E4F1: variants seen among roughly 807,000 people sequenced by gnomAD.
E4F1 encodes E4F transcription factor 1, also known as transcription factor E4F1.
In E4F1, 30 loss-of-function variants were observed where a neutral mutation model predicts 72.9. The ratio of observed to expected loss-of-function variants is 0.41; its 90% CI spans 0.31 to 0.56. The LOEUF (loss-of-function observed/expected upper bound fraction) is 0.56. Ranked by LOEUF, E4F1 falls within the 20% of genes least tolerant of loss-of-function variation. The pLI is 0.25. For synonymous variants in E4F1, 542 were observed against 478.2 expected (o/e 1.13, Z -1.74); for missense variants, 1,091 against 1,117.5 (o/e 0.98, Z 0.34).
chr16:2,232,491 C>T lies in E4F1; in HGVS notation c.645C>T (p.Ser215=). The T allele has an allele frequency of 6.2e-7, 1 of 1,611,424 alleles. No individual in the cohort carries two copies. The highest frequency in any genetic ancestry group is 8.5e-7 in the Non-Finnish European group (1 of 1,179,342). The stretch of plus-strand genomic sequence containing the variant: ...TCAAGGCCCACATGGTCACTCACAG[C>T]AGCCGCAAGGACCACGAGTGCAAGC... ...SILKAHMVTH[S]SRKDHECKLC... is the part of the protein sequence containing the mutation. The change falls in exon 5 of 14, where the codon AGC becomes AGT. Residue 215 remains serine, a synonymous_variant. Transcript: ENST00000301727.
At position 2,233,132 on chromosome 16, in the gene E4F1, C is replaced by T; in HGVS notation, c.1005C>T (p.Val335=). Residue 335 remains valine, a synonymous_variant, in exon 7 of 14, where the codon GTC becomes GTT. Coordinates refer to ENST00000301727, the MANE Select transcript of E4F1 (RefSeq NM_004424.5). ...CCAAGGGCACCGTCATCCACGAAGT[C>T]CACGTCCAGATGCAGGAGCTGTCCC... ...TDAKGTVIHE[V]HVQMQELSLG... The T allele has an allele frequency of 6.2e-7, 1 of 1,612,198 alleles. No homozygotes were observed. The highest frequency in any genetic ancestry group is 8.5e-7 in the Non-Finnish European group (1 of 1,179,220).
chr16:2,234,473 T>C (rs960690116), intron 10 of E4F1, 85 bp downstream of exon 10: 4 of 1,572,522 alleles, frequency 2.5e-6, no homozygotes, highest in Non-Finnish European at 3.5e-6. Context: ...CTTCCCTGCC[T>C]CCACCATGCT....
chr16:2,233,444 G>T lies in E4F1; in HGVS notation c.1063G>T (p.Val355Phe), dbSNP rs59784157. Reference protein sequence around the residue: ...GMKALAPEPPVSQELPCSSEG... With the variant: ...GMKALAPEPPFSQELPCSSEG... Reference sequence around the variant, plus strand: ...CTCTCTGCCTCCCCTGCAGCCCCCCGTCTCCCAGGAGCTCCCCTGCTCCAG... The same window carrying T: ...CTCTCTGCCTCCCCTGCAGCCCCCCTTCTCCCAGGAGCTCCCCTGCTCCAG... The change falls in exon 8 of 14, where the codon GTC (valine) becomes TTC (phenylalanine). Residue 355 changes from valine (V) to phenylalanine (F), a missense_variant. Val to Phe is a conservative substitution (Grantham distance 50). This residue lies in a region of E4F1 where 622 missense variants were observed against 628.0 expected (regional missense o/e 0.99). Coordinates refer to ENST00000301727, the MANE Select transcript of E4F1 (RefSeq NM_004424.5). 3.3e-6 allele frequency: 5 copies of T among 1,509,420 alleles called. No individual in the cohort carries two copies. The African/African-American group carries it at 4.2e-5, about 13-fold the overall frequency. 93.5% of individuals were successfully genotyped at this position (1,509,420 alleles called of 1,614,324 possible).
At chr16:2,225,668 C>T (rs2093427018) in intron 1 of E4F1, among the ~76,000 whole-genome samples, 3 of 151,310 alleles carry the variant, frequency 2.0e-5, no homozygotes, top group Admixed American at 2.0e-4. Flanking sequence ...GACTGGATTT[C>T]TCCATGTTGG....
chr16:2,224,321 C>T (rs1271646092), intron 1 of E4F1, among the ~76,000 whole-genome samples: 3 of 152,258 alleles, frequency 2.0e-5, no homozygotes, highest in Non-Finnish European at 4.4e-5. Flanking sequence ...GGGTAGGTGA[C>T]CCTACCTCTG....
At chr16:2,230,592 G>C (rs2093461944) in intron 3 of E4F1, 2 of 152,676 alleles carry the variant, frequency 1.3e-5, no homozygotes, top group Admixed American at 1.3e-4. Flanking sequence ...GGCGGAACCT[G>C]GCCTTGGGCA....
Position 2,232,805 on chromosome 16 carries a change from G to A in E4F1, c.780G>A (p.Ser260=), listed in dbSNP as rs139438270. 4.5e-4 allele frequency: 727 copies of A among 1,613,398 alleles called. 1 individual carries two copies. The highest frequency in any genetic ancestry group is 5.2e-4 in the Non-Finnish European group (615 of 1,180,008). Residue 260 remains serine (S), a synonymous_variant, in exon 6 of 14, where the codon TCG becomes TCA. Coordinates refer to ENST00000301727, the MANE Select transcript of E4F1 (RefSeq NM_004424.5). The part of the protein sequence containing the change: ...CSKCGKSFRE[S]GALTRHLKSL... ...AGTGTGGAAAGAGCTTCCGGGAGTC[G>A]GGTGCACTGACCCGGCACCTCAAGT...
rs374841967 is a variant in E4F1, at chr16:2,223,624, C to A, written c.11C>A (p.Ala4Glu). Residue 4 changes from alanine to glutamate, a missense_variant, in exon 1 of 14, where the codon GCG becomes GAG. This residue lies in a region of E4F1 where 362 missense variants were observed against 358.6 expected (regional missense o/e 1.01). Coordinates refer to ENST00000301727, the MANE Select transcript of E4F1 (RefSeq NM_004424.5). MEG[A>E]MAVRVTAAHT... ...GCGGCGCGTTGCGACATGGAGGGCG[C>A]GATGGCAGTGCGGGTGACGGCCGCT... is the stretch of plus-strand genomic sequence containing the variant. The A allele has an allele frequency of 4.4e-6, 7 of 1,589,212 alleles. No individual in the cohort carries two copies. The highest frequency in any genetic ancestry group is 3.4e-6 in the Non-Finnish European group (4 of 1,173,456).
chr16:2,235,578 G>A lies in E4F1; in HGVS notation c.*6G>A. 1 of 1,578,228 alleles carries A rather than the reference G, an allele frequency of 6.3e-7. No homozygotes were observed. Among genetic ancestry groups the A allele is most frequent in the Non-Finnish European group, 8.6e-7 (1 of 1,158,482 alleles). ...TGCAGACGGTCATCGTCTAGCATGA[G>A]GTCTGCGGGGTCCTGGCCGGGCAGG... On this transcript the variant is annotated 3_prime_UTR_variant, in exon 14 of 14. Coordinates refer to ENST00000301727, the MANE Select transcript of E4F1 (RefSeq NM_004424.5).
At chr16:2,233,309 A>T in intron 7 of E4F1, 126 bp downstream of exon 7, 1 of 1,446,436 alleles carries the variant, frequency 6.9e-7, no homozygotes, top group Non-Finnish European at 9.2e-7. Flanking sequence ...CCACAGGGAG[A>T]GCAGGGCCAG....
In E4F1 at chr16:2,234,925, T is replaced by C; in HGVS notation, c.1859T>C (p.Val620Ala). ...GACAGCCCCGCGGCAGCCACCACCG[T>C]CCTCACGGAAGACCCGCACACAGTG... ...SEDSPAAATT[V>A]LTEDPHTVLV... The change falls in exon 12 of 14, where the codon GTC (valine) becomes GCC (alanine). Residue 620 changes from valine (V) to alanine (A), a missense_variant. Val to Ala is a moderately conservative substitution (Grantham distance 64). Coordinates refer to ENST00000301727, the MANE Select transcript of E4F1 (RefSeq NM_004424.5). 6.4e-7 allele frequency: 1 copy of C among 1,561,020 alleles called. No individual in the cohort carries two copies. Among genetic ancestry groups the C allele is most frequent in the Non-Finnish European group, 8.7e-7 (1 of 1,152,604 alleles).
rs1354381558 is a variant in E4F1 at position 2,232,878 on chromosome 16, G to C, written c.853G>C (p.Val285Leu). 2 of 1,613,310 alleles carry C rather than the reference G, an allele frequency of 1.2e-6. No homozygotes were observed. The highest frequency in any genetic ancestry group is 3.3e-5 in the Admixed American group (2 of 60,008). ...EKIRFSVSKD[V>L]VVSKEDARAG... is the part of the protein sequence containing the mutation. ...AATCCGCTTCAGTGTGAGCAAGGAC[G>C]TGGTTGTCAGCAAAGAGGACGCACG... The change falls in exon 6 of 14, where the codon GTG becomes CTG. Residue 285 changes from valine (V) to leucine (L), a missense_variant. Val to Leu is a conservative substitution (Grantham distance 32). Coordinates refer to ENST00000301727, the MANE Select transcript of E4F1 (RefSeq NM_004424.5).
intron 2 of E4F1, among the ~76,000 whole-genome samples, chr16:2,229,130 C>G (rs1331418676): frequency 1.3e-5 from 2 of 152,270 alleles, no homozygotes; most frequent in Non-Finnish European, 2.9e-5. Context: ...AGCCTGTGCT[C>G]TTTACCTGCT....
intron 2 of E4F1, 23 bp from the exon 3 acceptor site, chr16:2,229,547 C>T (rs751433198): frequency 6.9e-6 from 11 of 1,604,554 alleles, no homozygotes; most frequent in African/African-American, 1.3e-5. Context: ...GACGACTCCC[C>T]TGTTTTCTTC....
chr16:2,233,965 G>C lies in E4F1; in HGVS notation c.1350G>C (p.Leu450=). The change falls in exon 9 of 14, where the codon CTG becomes CTC. Residue 450 remains leucine, a synonymous_variant. Transcript: ENST00000301727. ...CSETFPTAAT[L]EAHKRGHTGP... Reference sequence around the variant, plus strand: ...AGACCTTCCCGACAGCAGCCACCCTGGAGGCCCACAAGAGGGGCCACACCG... The same window carrying C: ...AGACCTTCCCGACAGCAGCCACCCTCGAGGCCCACAAGAGGGGCCACACCG... 1 of 1,598,196 alleles carries C rather than the reference G, an allele frequency of 6.3e-7. No individual in the cohort carries two copies. The highest frequency in any genetic ancestry group is 8.5e-7 in the Non-Finnish European group (1 of 1,172,714).
At chr16:2,226,843 G>T (rs1191081607) in intron 1 of E4F1, among the ~76,000 whole-genome samples, 3 of 152,232 alleles carry the variant, frequency 2.0e-5, no homozygotes, top group Non-Finnish European at 4.4e-5. Flanking sequence ...CACAGCAATG[G>T]TGACGGGCTC....
chr16:2,232,684 G>C, intron 5 of E4F1, 72 bp from the exon 6 acceptor site: 1 of 1,606,410 alleles, frequency 6.2e-7, no homozygotes, highest in Non-Finnish European at 8.5e-7. Context: ...GGGGGCCCCT[G>C]CCTGCCTTCG....
chr16:2,229,837 G>A, intron 3 of E4F1, 162 bp downstream of exon 3: 2 of 712,590 alleles, frequency 2.8e-6, no homozygotes, highest in Non-Finnish European at 4.7e-6. Flanking sequence ...CCTGCAGGAG[G>A]AGGAAGCGTT....
intron 1 of E4F1, among the ~76,000 whole-genome samples, chr16:2,224,401 T>C: frequency 6.6e-6 from 1 of 152,248 alleles, no homozygotes; most frequent in East Asian, 1.9e-4. Context: ...CTTATCCTGC[T>C]TTAGGTTTTT....
Sources: allele counts gnomAD v4.1 joint callset (sites outside exome capture counted in the v4.1 genomes callset), GRCh38; gene constraint gnomAD v4.1.1; regional missense constraint gnomAD v4.1.1; transcripts MANE v1.5; gene names NCBI Gene and HGNC (gene_info 2026-07-23, HGNC 2026-07-21).